SLAIN1: variants seen among roughly 807,000 people sequenced by gnomAD.
SLAIN1 encodes the protein SLAIN motif-containing protein 1.
In SLAIN1, 17 loss-of-function variants were observed where a neutral mutation model predicts 55.4. The ratio of observed to expected loss-of-function variants is 0.31; its 90% confidence interval spans 0.21 to 0.46. The LOEUF is 0.46. Ranked by LOEUF, SLAIN1 falls within the 20% of genes least tolerant of loss-of-function variation. The pLI is 1.00. For missense variants in SLAIN1, 682 were observed against 785.1 expected (o/e 0.87, Z 1.57); for synonymous variants, 348 against 337.4 (o/e 1.03, Z -0.35).
Position 77,697,969 on chromosome 13 carries a change from C to G in SLAIN1, c.56C>G (p.Ser19Cys). 6.9e-7 allele frequency: 1 copy of G among 1,447,934 alleles called. No individual in the cohort carries two copies. Among genetic ancestry groups the G allele is most frequent in the Non-Finnish European group, 9.2e-7 (1 of 1,091,638 alleles). The allele number at this position is 1,447,934 out of a possible 1,614,324, so 89.7% of individuals were successfully genotyped here. A position where few individuals can be genotyped will look rare whatever the true frequency, so the allele number is the denominator to read the frequency against. The change falls in exon 1 of 7, where the codon TCC becomes TGC. Residue 19 changes from serine (S) to cysteine (C), a missense_variant. Ser to Cys is a moderately radical substitution (Grantham distance 112, BLOSUM62 -1). Transcript: ENST00000418532. Reference sequence around the variant, plus strand: ...GCAGGGGTCAGCTCTGGAGCGGGCTCCGGGCCGGTGGTGAACGCGGAGCTG... The same window carrying G: ...GCAGGGGTCAGCTCTGGAGCGGGCTGCGGGCCGGTGGTGAACGCGGAGCTG... ...ASAGVSSGAG[S>C]GPVVNAELEV... is the part of the protein sequence containing the mutation.
intron 2 of SLAIN1, among the ~76,000 whole-genome samples, chr13:77,731,713 A>C (rs190657792): frequency 1.3e-5 from 2 of 152,258 alleles, no homozygotes; most frequent in African/African-American, 4.8e-5. Context: ...GCTATAAAAC[A>C]GAATGAAAAT....
chr13:77,728,974 T>C (rs1210567339), intron 2 of SLAIN1, among the ~76,000 whole-genome samples: 1 of 152,218 alleles, frequency 6.6e-6, no homozygotes, highest in Non-Finnish European at 1.5e-5. Flanking sequence ...ATTGGAATTT[T>C]TGTGCAGAGA....
chr13:77,747,004 G>C, intron 4 of SLAIN1, 149 bp downstream of exon 4: 2 of 679,746 alleles, frequency 2.9e-6, no homozygotes, highest in South Asian at 4.1e-5. Flanking sequence ...TCAGCTCACT[G>C]CAACCTCCAC....
At chr13:77,719,979 G>A (rs1353851453) in intron 2 of SLAIN1, among the ~76,000 whole-genome samples, 1 of 151,478 alleles carries the variant, frequency 6.6e-6, no homozygotes, top group African/African-American at 2.4e-5. Context: ...AGTTATCAGT[G>A]CTCTGGGGTC....
intron 1 of SLAIN1, among the ~76,000 whole-genome samples, chr13:77,700,497 G>A (rs1435107779): frequency 6.6e-6 from 1 of 152,100 alleles, no homozygotes; most frequent in Non-Finnish European, 1.5e-5. Flanking sequence ...TAGTGGGATG[G>A]TCTTAAAAAT....
At position 77,698,937 on chromosome 13, in the gene SLAIN1, G is replaced by A. The variant is rs1413430265; in HGVS notation, c.626+398G>A. ...GGATGACGGGGGATGGTAGGGGTTG[G>A]CCTCTGTCTGCGACTGTTACTGTTC... On this transcript the variant is annotated intron_variant, in intron 1 of 6. Transcript: ENST00000418532. The surrounding 1 kb of genome is among the most constrained non-coding windows in gnomAD (Gnocchi z 4.1). The A allele has an allele frequency of 9.1e-6, 14 of 1,533,858 alleles. No individual in the cohort carries two copies. The South Asian group carries it at 1.4e-4, about 16-fold the overall frequency.
At chr13:77,707,094 A>G (rs573120789) in intron 1 of SLAIN1, among the ~76,000 whole-genome samples, 2 of 151,956 alleles carry the variant, frequency 1.3e-5, no homozygotes, top group Non-Finnish European at 2.9e-5. Context: ...TTTTTCTTCA[A>G]AATAACTTTC....
rs1275655362 is a variant in SLAIN1 at position 77,744,631 on chromosome 13, A to T, written c.916+199A>T. ...GTAGGACTTAGTCTGATGAAAACAC[A>T]TTGATACATGGACATTGCTGGTATT... is the stretch of plus-strand genomic sequence containing the variant. On this transcript the variant is annotated intron_variant, in intron 3 of 6. Coordinates refer to ENST00000418532, the MANE Select transcript of SLAIN1 (RefSeq NM_001242868.2). 1.4e-5 allele frequency: 10 copies of T among 724,334 alleles called. No homozygotes were observed. The East Asian group carries it at 2.4e-4, about 18-fold the overall frequency. 44.9% of individuals were successfully genotyped at this position (724,334 alleles called of 1,614,324 possible). A position where few individuals can be genotyped will look rare whatever the true frequency, so the allele number is the denominator to read the frequency against.
chr13:77,759,589 G>C (rs889251644), intron 5 of SLAIN1, among the ~76,000 whole-genome samples: 3 of 152,056 alleles, frequency 2.0e-5, no homozygotes, highest in Non-Finnish European at 4.4e-5. Flanking sequence ...GTCATATATC[G>C]CTTTTATTAC....
intron 2 of SLAIN1, 150 bp from the exon 3 acceptor site, chr13:77,744,131 ATG>A: frequency 3.0e-6 from 2 of 676,488 alleles, no homozygotes; most frequent in South Asian, 3.4e-5. Flanking sequence ...TGTACACATG[ATG>A]TGCACGTTGA....
At chr13:77,752,288 C>CT (rs79381085) in intron 4 of SLAIN1, among the ~76,000 whole-genome samples, 4,604 of 94,184 alleles carry the variant, frequency 0.049, 114 homozygotes, top group South Asian at 0.086. Context: ...TTCTAGGGTT[C>CT]TTTTTTTTTT....
chr13:77,700,493 G>T (rs2091019903), intron 1 of SLAIN1, among the ~76,000 whole-genome samples: 1 of 152,104 alleles, frequency 6.6e-6, no homozygotes, highest in Non-Finnish European at 1.5e-5. Flanking sequence ...ATCTTAGTGG[G>T]ATGGTCTTAA....
intron 2 of SLAIN1, among the ~76,000 whole-genome samples, chr13:77,721,248 T>C (rs752185866): frequency 1.3e-5 from 2 of 152,192 alleles, no homozygotes; most frequent in African/African-American, 4.8e-5. Context: ...CCTGCCACCA[T>C]GTAAGGATGT....
In SLAIN1 at chr13:77,724,635, C is replaced by A. The variant is rs537018719; in HGVS notation, c.766+4964C>A. Reference sequence around the variant, plus strand: ...TCAATGATGGTTAATTGACAGATATCAAAAATTATGGTTTTGACCCACACT... The same window carrying A: ...TCAATGATGGTTAATTGACAGATATAAAAAATTATGGTTTTGACCCACACT... On this transcript the variant is annotated intron_variant, in intron 2 of 6. Coordinates refer to ENST00000418532, the MANE Select transcript of SLAIN1 (RefSeq NM_001242868.2). Among the ~76,000 whole-genome samples the A allele has an allele frequency of 6.6e-5, 10 of 152,254 alleles. 1 individual carries two copies. The highest frequency in any genetic ancestry group is 6.5e-4 in the Admixed American group (10 of 15,274).
chr13:77,698,033 G>A lies in SLAIN1; in HGVS notation c.120G>A (p.Glu40=). The A allele has an allele frequency of 2.1e-6, 3 of 1,420,180 alleles. No homozygotes were observed. The South Asian group carries it at 4.0e-5, about 19-fold the overall frequency. The allele number at this position is 1,420,180 out of a possible 1,614,324, so 88.0% of individuals were successfully genotyped here. ...KKLQELVRKL[E]KQNEQLRSRA... ...TGCAGGAGCTGGTGCGCAAGCTGGA[G>A]AAGCAGAACGAGCAGCTGCGGAGTC... Residue 40 remains glutamate (E), a synonymous_variant, in exon 1 of 7, where the codon GAG becomes GAA. Transcript: ENST00000418532. The surrounding 1 kb of genome is among the most constrained non-coding windows in gnomAD (Gnocchi z 4.1).
Position 77,698,453 on chromosome 13 carries a change from C to T in SLAIN1, c.540C>T (p.Pro180=), listed in dbSNP as rs2090996456. The change falls in exon 1 of 7, where the codon CCC becomes CCT. Residue 180 remains proline, a synonymous_variant. Transcript: ENST00000418532. The surrounding 1 kb of genome is among the most constrained non-coding windows in gnomAD (Gnocchi z 4.1). The part of the protein sequence containing the change: ...GTPPGAAAAP[P]SPPPTLLDEV... ...CGCCAGGGGCAGCTGCAGCGCCGCCCTCGCCGCCCCCCACGCTGCTGGACG... is the reference window on the plus strand; with the variant it reads ...CGCCAGGGGCAGCTGCAGCGCCGCCTTCGCCGCCCCCCACGCTGCTGGACG... 6.2e-6 allele frequency: 9 copies of T among 1,440,604 alleles called. No homozygotes were observed. The Admixed American group carries it at 1.3e-4, about 21-fold the overall frequency. 89.2% of individuals were successfully genotyped at this position (1,440,604 alleles called of 1,614,324 possible).
intron 1 of SLAIN1, among the ~76,000 whole-genome samples, chr13:77,707,413 G>A (rs748011202): frequency 6.6e-5 from 10 of 151,832 alleles, no homozygotes; most frequent in Admixed American, 1.3e-4. Flanking sequence ...AATTATATTC[G>A]TCTTGACATT....
Position 77,698,398 on chromosome 13 carries a change from G to A in SLAIN1, c.485G>A (p.Gly162Asp). ...PAAGFFGAGG[G>D]GPEPGGAGTP... ...GCAGGCTTCTTCGGCGCGGGCGGTG[G>A]CGGGCCGGAGCCGGGGGGCGCGGGG... The change falls in exon 1 of 7, where the codon GGC (glycine) becomes GAC (aspartate). Residue 162 changes from glycine to aspartate, a missense_variant. Gly to Asp is a moderately conservative substitution (Grantham distance 94). Around this residue, in one of 3 missense-constraint regions of SLAIN1, gnomAD observed 401 missense variants for 417.3 expected, o/e 0.96. Coordinates refer to ENST00000418532, the MANE Select transcript of SLAIN1 (RefSeq NM_001242868.2). This position sits in a 1 kb window ranked among gnomAD's most constrained non-coding sequence, Gnocchi z 4.1. 7.1e-7 allele frequency: 1 copy of A among 1,405,914 alleles called. No individual in the cohort carries two copies. The highest frequency in any genetic ancestry group is 9.2e-7 in the Non-Finnish European group (1 of 1,082,388). 87.1% of individuals were successfully genotyped at this position (1,405,914 alleles called of 1,614,324 possible). A position where few individuals can be genotyped will look rare whatever the true frequency, so the allele number is the denominator to read the frequency against.
In SLAIN1 at chr13:77,716,915, C is replaced by T. The variant is rs184479397; in HGVS notation, c.627-2617C>T. Among the ~76,000 whole-genome samples, 790 of 152,134 alleles carry T rather than the reference C, an allele frequency of 5.2e-3. 4 individuals are homozygous for T. Among genetic ancestry groups the T allele is most frequent in the African/African-American group, 0.017 (704 of 41,512 alleles). On this transcript the variant is annotated intron_variant, in intron 1 of 6. Coordinates refer to ENST00000418532, the MANE Select transcript of SLAIN1 (RefSeq NM_001242868.2). ...TCTTCAGCAGAGTGTTAAATAGAAG[C>T]GATGAGAGCCAATGTCTGTGTCTGT...
Sources: gnomAD v4.1 joint callset for allele counts (sites outside exome capture counted in the v4.1 genomes callset) on GRCh38, gnomAD v4.1.1 for gene constraint, gnomAD v4.1.1 regional missense constraint, Gnocchi (gnomAD v3.1) non-coding constraint, MANE v1.5 for transcripts, NCBI Gene and HGNC (gene_info 2026-07-23, HGNC 2026-07-21) for gene names.